The following EFHC2 variants were observed in gnomAD, a reference collection of about 807,000 sequenced individuals.
EFHC2 encodes EF-hand domain-containing family member C2.
In EFHC2, 18 loss-of-function variants were observed where a neutral mutation model predicts 52.7. That is an observed-to-expected ratio of 0.34 (90% CI 0.24 to 0.51). The LOEUF (loss-of-function observed/expected upper bound fraction) is 0.51. Ranked by LOEUF, EFHC2 falls within the 20% of genes least tolerant of loss-of-function variation. The pLI, the probability that EFHC2 is intolerant of heterozygous loss-of-function variation, is 0.97. For synonymous variants in EFHC2, 203 were observed against 204.1 expected, an observed-to-expected ratio of 0.99 and a Z score of 0.04; for missense variants, 513 against 562.5, an observed-to-expected ratio of 0.91 and a Z score of 0.89.
intron 4 of EFHC2, among the ~76,000 whole-genome samples, chrX:44,257,330 A>G (rs1376644342): frequency 8.9e-6 from 1 of 111,773 alleles, no homozygotes; most frequent in African/African-American, 3.3e-5. Flanking sequence ...GTATCCAAAT[A>G]GGAAGAGAGG....
intron 11 of EFHC2, among the ~76,000 whole-genome samples, chrX:44,183,899 C>CA (rs2036854022): frequency 1.8e-5 from 2 of 112,364 alleles, no homozygotes; most frequent in East Asian, 5.6e-4. Context: ...TGTGAGCTTT[C>CA]AAATTACATT....
chrX:44,275,649 C>A (rs2037650564), intron 2 of EFHC2, among the ~76,000 whole-genome samples: 2 of 108,866 alleles, frequency 1.8e-5, no homozygotes, highest in South Asian at 8.2e-4. Flanking sequence ...CATGATGGCT[C>A]ACACCTGTAA....
At chrX:44,217,109 A>G (rs2037156590) in intron 11 of EFHC2, among the ~76,000 whole-genome samples, 1 of 112,486 alleles carries the variant, frequency 8.9e-6, no homozygotes. Flanking sequence ...GCAAACAGGC[A>G]TATGAAAAGA....
At chrX:44,307,604 G>A (rs2147378812) in intron 2 of EFHC2, among the ~76,000 whole-genome samples, 1 of 111,764 alleles carries the variant, frequency 8.9e-6, no homozygotes, top group South Asian at 3.7e-4. Flanking sequence ...CAATGTCTCA[G>A]CTTTCTTCTC....
At chrX:44,247,314 A>G (rs186193586) in intron 7 of EFHC2, among the ~76,000 whole-genome samples, 1 of 112,255 alleles carries the variant, frequency 8.9e-6, no homozygotes, top group African/African-American at 3.2e-5. Flanking sequence ...ATACTACACA[A>G]TGCGGACAAC....
intron 2 of EFHC2, among the ~76,000 whole-genome samples, chrX:44,311,162 C>T (rs2037945410): frequency 1.8e-5 from 2 of 111,684 alleles, no homozygotes. Flanking sequence ...TTGGGTCCAG[C>T]ACTGAGCCAG....
At chrX:44,238,870 A>G (rs1476299603) in intron 8 of EFHC2, among the ~76,000 whole-genome samples, 1 of 111,873 alleles carries the variant, frequency 8.9e-6, no homozygotes, top group African/African-American at 3.3e-5. Context: ...TTACTTATGT[A>G]TTAATTGATG....
intron 11 of EFHC2, among the ~76,000 whole-genome samples, chrX:44,220,765 C>G (rs919063069): frequency 4.5e-5 from 5 of 112,223 alleles, no homozygotes; most frequent in Admixed American, 3.8e-4. Flanking sequence ...TTTACTATTA[C>G]AAAATTTGCT....
At position 44,251,238 on chromosome X, in the gene EFHC2, C is replaced by CAAA. The variant is rs746850685; in HGVS notation, c.607-796_607-794dup. Among the ~76,000 whole-genome samples the CAAA allele has an allele frequency of 6.0e-4, 11 of 18,311 alleles. 2 individuals are homozygous for CAAA. The highest frequency in any genetic ancestry group is 3.7e-3 in the African/African-American group (8 of 2,143). The allele number at this position is 18,311 out of a possible 115,157, so 15.9% of individuals were successfully genotyped here. A position where few individuals can be genotyped will look rare whatever the true frequency, so the allele number is the denominator to read the frequency against. The stretch of plus-strand genomic sequence containing the variant: ...CGGGCGACAGAGTGAGACTCCATCT[C>CAAA]AAAAAAAAAAAAAAAAAAAAAAAAA... On this transcript the variant is annotated intron_variant, in intron 4 of 14. Coordinates refer to ENST00000420999, the MANE Select transcript of EFHC2 (RefSeq NM_025184.4).
intron 11 of EFHC2, among the ~76,000 whole-genome samples, chrX:44,191,224 T>C (rs1344383743): frequency 9.0e-6 from 1 of 110,927 alleles, no homozygotes; most frequent in Non-Finnish European, 1.9e-5. Flanking sequence ...GGGTAAATCA[T>C]TGTCTTGTTT....
At chrX:44,159,758 G>A (rs1425425586) in intron 14 of EFHC2, among the ~76,000 whole-genome samples, 1 of 112,615 alleles carries the variant, frequency 8.9e-6, no homozygotes, top group Non-Finnish European at 1.9e-5. Context: ...TTTCTGATGT[G>A]ACATTCCTGG....
chrX:44,151,587 C>A (rs759051253), intron 14 of EFHC2, among the ~76,000 whole-genome samples: 2 of 111,631 alleles, frequency 1.8e-5, no homozygotes, highest in East Asian at 2.8e-4. Flanking sequence ...TATGTCTTCA[C>A]GCAGCTTTCT....
At chrX:44,186,705 AAC>A (rs754521759) in intron 11 of EFHC2, among the ~76,000 whole-genome samples, 4 of 111,965 alleles carry the variant, frequency 3.6e-5, no homozygotes, top group East Asian at 2.8e-4. Flanking sequence ...TTGAATACAA[AAC>A]ACAGTCTGTG....
At chrX:44,315,423 G>A (rs189337476) in intron 1 of EFHC2, among the ~76,000 whole-genome samples, 1 of 111,438 alleles carries the variant, frequency 9.0e-6, no homozygotes, top group East Asian at 2.8e-4. Context: ...CTATGAGCTG[G>A]ATGCTTTACT....
At chrX:44,195,381 C>T (rs753031332) in intron 11 of EFHC2, among the ~76,000 whole-genome samples, 1 of 111,914 alleles carries the variant, frequency 8.9e-6, no homozygotes, top group Non-Finnish European at 1.9e-5. Flanking sequence ...TCAGCCAACC[C>T]ACGGACCTGT....
intron 2 of EFHC2, among the ~76,000 whole-genome samples, chrX:44,291,031 A>G (rs1383483050): frequency 8.9e-6 from 1 of 111,965 alleles, no homozygotes; most frequent in Non-Finnish European, 1.9e-5. Flanking sequence ...CATCTGCACT[A>G]TATCAGGTGG....
intron 1 of EFHC2, 137 bp from the exon 2 acceptor site, chrX:44,312,893 G>T: frequency 1.8e-6 from 1 of 540,900 alleles, no homozygotes; most frequent in South Asian, 3.8e-5. Context: ...AAATAATTAT[G>T]ATCAATCTTT....
At chrX:44,305,020 G>T (rs1195629968) in intron 2 of EFHC2, among the ~76,000 whole-genome samples, 1 of 110,459 alleles carries the variant, frequency 9.1e-6, no homozygotes, top group Non-Finnish European at 1.9e-5. Flanking sequence ...CCAGCACTTT[G>T]GGAGGCTGAG....
intron 1 of EFHC2, among the ~76,000 whole-genome samples, chrX:44,320,185 C>T (rs2147388285): frequency 8.9e-6 from 1 of 112,110 alleles, no homozygotes; most frequent in African/African-American, 3.2e-5. Flanking sequence ...TCAGGTGATC[C>T]ACCCACCCTG....
Sources: gnomAD v4.1 joint callset for allele counts (sites outside exome capture counted in the v4.1 genomes callset) on GRCh38, gnomAD v4.1.1 for gene constraint, MANE v1.5 for transcripts, NCBI Gene and HGNC (gene_info 2026-07-23, HGNC 2026-07-21) for gene names.